ASIC1: variants seen among roughly 807,000 people sequenced by gnomAD.
ASIC1 encodes acid-sensing ion channel 1.
Under a neutral mutation model 63.4 loss-of-function variants are expected in ASIC1, and 21 were observed. The ratio of observed to expected loss-of-function variants is 0.33; its 90% CI spans 0.23 to 0.48. The LOEUF is 0.48. Ranked by LOEUF, ASIC1 falls within the 20% of genes least tolerant of loss-of-function variation. The pLI, the probability that ASIC1 is intolerant of heterozygous loss-of-function variation, is 0.99. For missense variants in ASIC1, 478 were observed against 695.5 expected (o/e 0.69, Z 3.52); for synonymous variants, 258 against 278.2 (o/e 0.93, Z 0.72).
chr12:50,060,125 A>C (rs1431116331), intron 3 of ASIC1, among the ~76,000 whole-genome samples, 171 bp downstream of exon 3: 1 of 152,162 alleles, frequency 6.6e-6, no homozygotes, highest in East Asian at 1.9e-4. Flanking sequence ...GCACATTTGC[A>C]CTCACTGCAT....
At chr12:50,077,886 C>T (rs1950673443) in intron 4 of ASIC1, 114 bp from the exon 5 acceptor site, 2 of 1,478,038 alleles carry the variant, frequency 1.4e-6, no homozygotes, top group South Asian at 1.4e-5. Context: ...ACTTCCCCCA[C>T]CCCAGCCCCA....
In ASIC1 at chr12:50,081,792, C is replaced by A; in HGVS notation, c.*143C>A. ...CTCTTGTCTGTGGTAAGGAAGGAGT[C>A]TTGACCATAGAGTCCTCTCTCTGCC... On this transcript the variant is annotated 3_prime_UTR_variant, in exon 12 of 12. Transcript: ENST00000447966. 1.4e-6 allele frequency: 1 copy of A among 702,686 alleles called. No homozygotes were observed. The highest frequency in any genetic ancestry group is 2.4e-6 in the Non-Finnish European group (1 of 422,070). The allele number at this position is 702,686 out of a possible 1,614,324, so 43.5% of individuals were successfully genotyped here. A position where few individuals can be genotyped will look rare whatever the true frequency, so the allele number is the denominator to read the frequency against.
At chr12:50,079,719 A>G (rs760669489) in intron 7 of ASIC1, among the ~76,000 whole-genome samples, 183 bp from the exon 8 acceptor site, 3 of 152,106 alleles carry the variant, frequency 2.0e-5, no homozygotes, top group Non-Finnish European at 2.9e-5. Flanking sequence ...GTCCTCAAAC[A>G]TGCCTCAGGC....
In ASIC1 at chr12:50,059,832, A is replaced by C; in HGVS notation, c.436A>C (p.Ser146Arg). 6.2e-7 allele frequency: 1 copy of C among 1,614,214 alleles called. No homozygotes were observed. Among genetic ancestry groups the C allele is most frequent in the Non-Finnish European group, 8.5e-7 (1 of 1,180,044 alleles). ...ACTGCAGGACAAAGCCAACTTCCGC[A>C]GCTTCAAACCCAAACCCTTCAACAT... ...EILQDKANFR[S>R]FKPKPFNMRE... Residue 146 changes from serine (S) to arginine (R), a missense_variant, in exon 3 of 12, where the codon AGC becomes CGC. Physicochemically the swap from Ser to Arg is moderately radical, Grantham distance 110 (BLOSUM62 -1). Coordinates refer to ENST00000447966, the MANE Select transcript of ASIC1 (RefSeq NM_001095.4). This position sits in a 1 kb window ranked among gnomAD's most constrained non-coding sequence, Gnocchi z 4.6.
rs1950459002 is a variant in ASIC1, at chr12:50,057,770, T to TCC, written c.-161_-160dup. The TCC allele has an allele frequency of 6.7e-6, 1 of 149,592 alleles. No homozygotes were observed. The highest frequency in any genetic ancestry group is 2.4e-5 in the African/African-American group (1 of 41,008). The allele number at this position is 149,592 out of a possible 1,614,324, so 9.3% of individuals were successfully genotyped here. A position where few individuals can be genotyped will look rare whatever the true frequency, so the allele number is the denominator to read the frequency against. ...AGCCGAGCGGGGCCGGGCGGGGCGC[T>TCC]CCCTGCAGGGCTCTGCGCGGCGTGC... On this transcript the variant is annotated 5_prime_UTR_variant, in exon 1 of 12. Transcript: ENST00000447966. This position sits in a 1 kb window ranked among gnomAD's most constrained non-coding sequence, Gnocchi z 4.7.
intron 3 of ASIC1, among the ~76,000 whole-genome samples, chr12:50,067,405 C>T (rs835593): frequency 0.94 from 139,238 of 148,654 alleles, 65,461 homozygotes; most frequent in Non-Finnish European, 0.98. Flanking sequence ...AACTCTTCTG[C>T]TGTTGTTTTT....
chr12:50,075,945 AGACAGCCCCTGGGGC>A (rs1232730533), intron 3 of ASIC1, among the ~76,000 whole-genome samples: 1 of 152,142 alleles, frequency 6.6e-6, no homozygotes, highest in African/African-American at 2.4e-5. Flanking sequence ...AAGACTGGGG[AGACAGCCCCTGGGGC>A]TGAGATATCT....
intron 3 of ASIC1, among the ~76,000 whole-genome samples, chr12:50,071,938 A>AGAAAGAGGAGGACAGTGGCT (rs1214641729): frequency 1.3e-5 from 2 of 152,198 alleles, no homozygotes; most frequent in Non-Finnish European, 2.9e-5. Context: ...GGGCAGTGGC[A>AGAAAGAGGAGGACAGTGGCT]GAAAGAGGAG....
Position 50,058,859 on chromosome 12 carries a change from C to T in ASIC1, c.93C>T (p.Ala31=). The T allele has an allele frequency of 1.9e-6, 3 of 1,614,078 alleles. No individual in the cohort carries two copies. The highest frequency in any genetic ancestry group is 2.5e-6 in the Non-Finnish European group (3 of 1,179,996). Residue 31 remains alanine, a synonymous_variant, in exon 2 of 12, where the codon GCC becomes GCT. Coordinates refer to ENST00000447966, the MANE Select transcript of ASIC1 (RefSeq NM_001095.4). ...GCAGCTCCACACTGCACGGCCTGGC[C>T]CACATCTTCTCCTACGAGCGGCTGT... ...FASSSTLHGL[A]HIFSYERLSL...
chr12:50,059,247 A>G lies in ASIC1; in HGVS notation c.362+119A>G. The G allele has an allele frequency of 7.8e-7, 1 of 1,286,748 alleles. No individual in the cohort carries two copies. Among genetic ancestry groups the G allele is most frequent in the Non-Finnish European group, 1.0e-6 (1 of 980,812 alleles). 79.7% of individuals were successfully genotyped at this position (1,286,748 alleles called of 1,614,324 possible). A position where few individuals can be genotyped will look rare whatever the true frequency, so the allele number is the denominator to read the frequency against. ...CAACCCTGCCCTTTAACCCACCCCC[A>G]CCCCCAAACCTGCCACTCACAGCAG... On this transcript the variant is annotated intron_variant, in intron 2 of 11. Transcript: ENST00000447966. This position sits in a 1 kb window ranked among gnomAD's most constrained non-coding sequence, Gnocchi z 4.6.
In ASIC1 at chr12:50,077,256, G is replaced by T; in HGVS notation, c.602G>T (p.Arg201Leu). 1 of 1,613,924 alleles carries T rather than the reference G, an allele frequency of 6.2e-7. No individual in the cohort carries two copies. Among genetic ancestry groups the T allele is most frequent in the South Asian group, 1.1e-5 (1 of 91,030 alleles). ...YGKCYTFNSGRDGRPRLKTMK... is the reference protein window; with the variant it reads ...YGKCYTFNSGLDGRPRLKTMK... ...AAGTGCTACACGTTCAACTCGGGCC[G>T]AGATGGGCGGCCGCGGCTGAAGACC... The change falls in exon 4 of 12, where the codon CGA (arginine) becomes CTA (leucine). Residue 201 changes from arginine to leucine, a missense_variant. Physicochemically the swap from Arg to Leu is moderately radical, Grantham distance 102 (BLOSUM62 -2). This residue lies in a region of ASIC1 where 290 missense variants were observed against 414.9 expected (regional missense o/e 0.70). Transcript: ENST00000447966.
chr12:50,081,742 C>A lies in ASIC1; in HGVS notation c.*93C>A. Reference sequence around the variant, plus strand: ...CCTCCTCACATCTGCCCTGGGGACTCCCCACACTCCGGGGCAGATCTTTCC... The same window carrying A: ...CCTCCTCACATCTGCCCTGGGGACTACCCACACTCCGGGGCAGATCTTTCC... On this transcript the variant is annotated 3_prime_UTR_variant, in exon 12 of 12. Transcript: ENST00000447966. 1 of 1,136,736 alleles carries A rather than the reference C, an allele frequency of 8.8e-7. No individual in the cohort carries two copies. The highest frequency in any genetic ancestry group is 1.3e-6 in the Non-Finnish European group (1 of 783,740). 70.4% of individuals were successfully genotyped at this position (1,136,736 alleles called of 1,614,324 possible). A position where few individuals can be genotyped will look rare whatever the true frequency, so the allele number is the denominator to read the frequency against.
intron 3 of ASIC1, among the ~76,000 whole-genome samples, chr12:50,071,441 T>TG (rs1216085688): frequency 1.3e-5 from 2 of 150,164 alleles, no homozygotes; most frequent in African/African-American, 4.9e-5. Flanking sequence ...TAAATTTTTT[T>TG]GGTTTTTTTT....
chr12:50,073,766 C>A (rs1269510556), intron 3 of ASIC1: 26 of 1,535,966 alleles, frequency 1.7e-5, no homozygotes, highest in Non-Finnish European at 2.3e-5. Context: ...GGGCATTCAC[C>A]CATGGACTTG....
chr12:50,081,231 C>T (rs1248314302), intron 10 of ASIC1, 29 bp from the exon 11 acceptor site: 1 of 1,604,468 alleles, frequency 6.2e-7, no homozygotes. Context: ...CGGGGTCCAG[C>T]CCGCCCACCT....
At position 50,059,237 on chromosome 12, in the gene ASIC1, ACCCACC is replaced by A; in HGVS notation, c.362+120_362+125del. 7.1e-7 allele frequency: 1 copy of A among 1,418,150 alleles called. No homozygotes were observed. Among genetic ancestry groups the A allele is most frequent in the Non-Finnish European group, 9.4e-7 (1 of 1,061,436 alleles). 87.8% of individuals were successfully genotyped at this position (1,418,150 alleles called of 1,614,324 possible). A position where few individuals can be genotyped will look rare whatever the true frequency, so the allele number is the denominator to read the frequency against. On this transcript the variant is annotated intron_variant, in intron 2 of 11. Transcript: ENST00000447966. This position sits in a 1 kb window ranked among gnomAD's most constrained non-coding sequence, Gnocchi z 4.6. Reference sequence around the variant, plus strand: ...AGAGCCCAGCCAACCCTGCCCTTTAACCCACCCCCACCCCCAAACCTGCCACTCACA... The same window carrying A: ...AGAGCCCAGCCAACCCTGCCCTTTAACCCACCCCCAAACCTGCCACTCACA...
At position 50,077,342 on chromosome 12, in the gene ASIC1, C is replaced by G; in HGVS notation, c.688C>G (p.Leu230Val). Reference protein sequence around the residue: ...IMLDIQQDEYLPVWGETDETS... With the variant: ...IMLDIQQDEYVPVWGETDETS... ...GCTGGACATCCAGCAGGACGAGTAC[C>G]TGCCTGTGTGGGGGGAGACTGGTAC... The change falls in exon 4 of 12, where the codon CTG becomes GTG. Residue 230 changes from leucine (L) to valine (V), a missense_variant. Leu to Val is a conservative substitution (Grantham distance 32). Around this residue, in one of 3 missense-constraint regions of ASIC1, gnomAD observed 290 missense variants for 414.9 expected, o/e 0.70. Transcript: ENST00000447966. The G allele has an allele frequency of 6.2e-7, 1 of 1,614,194 alleles. No individual in the cohort carries two copies. The highest frequency in any genetic ancestry group is 8.5e-7 in the Non-Finnish European group (1 of 1,180,032).
intron 3 of ASIC1, chr12:50,076,952 T>C (rs1950660858): frequency 3.2e-6 from 2 of 622,834 alleles, no homozygotes; most frequent in Non-Finnish European, 3.0e-6. Context: ...ACCTCCCAAC[T>C]GTCAACCCCA....
At chr12:50,061,937 A>G (rs1950504605) in intron 3 of ASIC1, among the ~76,000 whole-genome samples, 1 of 152,198 alleles carries the variant, frequency 6.6e-6, no homozygotes. Context: ...GTAAAGACAC[A>G]CAGGCTAGCA....
Sources: allele counts gnomAD v4.1 joint callset (sites outside exome capture counted in the v4.1 genomes callset), GRCh38; gene constraint gnomAD v4.1.1; regional missense constraint gnomAD v4.1.1; non-coding constraint Gnocchi (gnomAD v3.1); transcripts MANE v1.5; gene names NCBI Gene and HGNC (gene_info 2026-07-23, HGNC 2026-07-21).